Variants in FSCN1 observed in about 807,000 individuals in gnomAD.
FSCN1 encodes the protein fascin.
Under a neutral mutation model 39.7 loss-of-function variants are expected in FSCN1, and 10 were observed. That is an observed-to-expected ratio of 0.25 (90% CI 0.16 to 0.43). FSCN1 has a LOEUF of 0.43. FSCN1 is among the 20% of genes least tolerant of loss of function. FSCN1 has a pLI of 1.00. For missense variants in FSCN1, 525 were observed against 723.8 expected, an observed-to-expected ratio of 0.73 and a Z score of 3.15; for synonymous variants, 322 against 320.0, an observed-to-expected ratio of 1.01 and a Z score of -0.07.
At chr7:5,602,910 A>G (rs1357650384) in intron 1 of FSCN1, 5 of 279,356 alleles carry the variant, frequency 1.8e-5, no homozygotes, top group East Asian at 1.7e-4. Flanking sequence ...GGGTCTTGCT[A>G]TGTTGCCCAG....
In FSCN1 at chr7:5,603,802, A is replaced by C. The variant is rs1584304462; in HGVS notation, c.1112-61A>C. 6 of 1,554,842 alleles carry C rather than the reference A, an allele frequency of 3.9e-6. No individual in the cohort carries two copies. In the South Asian group the frequency reaches 6.9e-5, roughly 18 times the overall value. ...AGCTCCTGGCCCTCCCTCTCTGGTCACCCCAGCCTCCACCCCACTCCCTGC... is the reference window on the plus strand; with the variant it reads ...AGCTCCTGGCCCTCCCTCTCTGGTCCCCCCAGCCTCCACCCCACTCCCTGC... On this transcript the variant is annotated intron_variant, in intron 3 of 4. Transcript: ENST00000382361. This position sits in a 1 kb window ranked among gnomAD's most constrained non-coding sequence, Gnocchi z 8.5.
At chr7:5,594,799 C>T (rs897457737) in intron 1 of FSCN1, 16 of 152,338 alleles carry the variant, frequency 1.1e-4, no homozygotes, top group Admixed American at 1.0e-3. Context: ...GGCCAGCTCC[C>T]TCGGGAAGCC....
chr7:5,597,856 C>G (rs556902062), intron 1 of FSCN1, among the ~76,000 whole-genome samples: 1 of 152,054 alleles, frequency 6.6e-6, no homozygotes, highest in Non-Finnish European at 1.5e-5. Flanking sequence ...GAGAGGTACC[C>G]GTGGGCCCGG....
intron 1 of FSCN1, among the ~76,000 whole-genome samples, chr7:5,595,802 G>A (rs1785719754): frequency 6.6e-6 from 1 of 152,212 alleles, no homozygotes; most frequent in Non-Finnish European, 1.5e-5. Flanking sequence ...GCCTCCCGTG[G>A]GGAAGAAGTC....
chr7:5,598,114 A>C (rs539038635), intron 1 of FSCN1, among the ~76,000 whole-genome samples: 6 of 152,148 alleles, frequency 3.9e-5, no homozygotes, highest in African/African-American at 1.4e-4. Context: ...TCTACGTGGC[A>C]CCAGGCCCCT....
Position 5,603,987 on chromosome 7 carries a change from C to T in FSCN1, c.1236C>T (p.Asp412=), listed in dbSNP as rs144028572. 6.5e-5 allele frequency: 105 copies of T among 1,613,792 alleles called. No individual in the cohort carries two copies. The highest frequency in any genetic ancestry group is 4.1e-4 in the African/African-American group (31 of 74,926). The change falls in exon 4 of 5, where the codon GAC becomes GAT. Residue 412 remains aspartate, a synonymous_variant. Coordinates refer to ENST00000382361, the MANE Select transcript of FSCN1 (RefSeq NM_003088.4). The surrounding 1 kb of genome is among the most constrained non-coding windows in gnomAD (Gnocchi z 8.5). ...GTLDANRSSY[D]VFQLEFNDGA... is the part of the protein sequence containing the mutation. ...TGGACGCCAACCGCTCCAGCTATGA[C>T]GTCTTCCAGCTGGAGTTCAACGATG...
In FSCN1 at chr7:5,605,206, T is replaced by G; in HGVS notation, c.1280-66T>G. On this transcript the variant is annotated intron_variant, in intron 4 of 4. Coordinates refer to ENST00000382361, the MANE Select transcript of FSCN1 (RefSeq NM_003088.4). This position sits in a 1 kb window ranked among gnomAD's most constrained non-coding sequence, Gnocchi z 6.9. ...CCCTTGGGAACACCCGTGCCCACCC[T>G]CCGCTGCCCAGGGTAGGGGTGGGGA... 7.9e-7 allele frequency: 1 copy of G among 1,264,538 alleles called. No individual in the cohort carries two copies. Among genetic ancestry groups the G allele is most frequent in the Non-Finnish European group, 1.1e-6 (1 of 873,796 alleles). The allele number at this position is 1,264,538 out of a possible 1,614,324, so 78.3% of individuals were successfully genotyped here.
rs567581324 is a variant in FSCN1 at position 5,593,336 on chromosome 7, G to C, written c.400G>C (p.Val134Leu). 6.2e-7 allele frequency: 1 copy of C among 1,612,072 alleles called. No individual in the cohort carries two copies. Among genetic ancestry groups the C allele is most frequent in the African/African-American group, 1.3e-5 (1 of 75,034 alleles). Reference sequence around the variant, plus strand: ...GGTGTCCCCCGCCGAGAAGTGGAGCGTGCACATCGCCATGCACCCTCAGGT... The same window carrying C: ...GGTGTCCCCCGCCGAGAAGTGGAGCCTGCACATCGCCATGCACCCTCAGGT... Reference protein sequence around the residue: ...QTVSPAEKWSVHIAMHPQVNI... With the variant: ...QTVSPAEKWSLHIAMHPQVNI... Residue 134 changes from valine to leucine, a missense_variant, in exon 1 of 5, where the codon GTG becomes CTG. Transcript: ENST00000382361.
chr7:5,605,782 C>T lies in FSCN1; in HGVS notation c.*308C>T, dbSNP rs1197778737. 4.1e-5 allele frequency: 13 copies of T among 316,540 alleles called. No homozygotes were observed. Among genetic ancestry groups the T allele is most frequent in the Non-Finnish European group, 5.9e-5 (10 of 170,472 alleles). 19.6% of individuals were successfully genotyped at this position (316,540 alleles called of 1,614,324 possible). On this transcript the variant is annotated 3_prime_UTR_variant, in exon 5 of 5. Transcript: ENST00000382361. This position sits in a 1 kb window ranked among gnomAD's most constrained non-coding sequence, Gnocchi z 6.9. Reference sequence around the variant, plus strand: ...ACCTCTTTCTTCTGACCTCAGACGGCTCTGAGCCTTATTTCTCTGGAAGCG... The same window carrying T: ...ACCTCTTTCTTCTGACCTCAGACGGTTCTGAGCCTTATTTCTCTGGAAGCG...
chr7:5,605,500 GC>G lies in FSCN1; in HGVS notation c.*29del. On this transcript the variant is annotated 3_prime_UTR_variant, in exon 5 of 5. Transcript: ENST00000382361. This position sits in a 1 kb window ranked among gnomAD's most constrained non-coding sequence, Gnocchi z 6.9. ...GGCCGGCCCGTCCTTCCCCGCCCCTGCCCACATGGCGGCTCCTGCCAACCCT... is the reference window on the plus strand; with the variant it reads ...GGCCGGCCCGTCCTTCCCCGCCCCTGCCACATGGCGGCTCCTGCCAACCCT... 1.3e-6 allele frequency: 2 copies of G among 1,488,612 alleles called. No homozygotes were observed. Among genetic ancestry groups the G allele is most frequent in the Non-Finnish European group, 1.8e-6 (2 of 1,100,892 alleles). The allele number at this position is 1,488,612 out of a possible 1,614,324, so 92.2% of individuals were successfully genotyped here.
At chr7:5,600,860 G>A (rs917047564) in intron 1 of FSCN1, among the ~76,000 whole-genome samples, 6 of 151,212 alleles carry the variant, frequency 4.0e-5, no homozygotes, top group African/African-American at 9.7e-5. Flanking sequence ...GGGTTTCACC[G>A]TGTTAGGATG....
In FSCN1 at chr7:5,603,061, C is replaced by T. The variant is rs1271327194; in HGVS notation, c.833-196C>T. ...TCATGTGGGAACAGATGTAGCTTGC[C>T]TTGGCCTCTGACCGGCCCTGCCTGC... On this transcript the variant is annotated intron_variant, in intron 1 of 4. Coordinates refer to ENST00000382361, the MANE Select transcript of FSCN1 (RefSeq NM_003088.4). This position sits in a 1 kb window ranked among gnomAD's most constrained non-coding sequence, Gnocchi z 8.5. The T allele has an allele frequency of 4.9e-6, 3 of 615,330 alleles. No homozygotes were observed. The highest frequency in any genetic ancestry group is 2.9e-5 in the Admixed American group (1 of 34,492). 38.1% of individuals were successfully genotyped at this position (615,330 alleles called of 1,614,324 possible).
intron 1 of FSCN1, among the ~76,000 whole-genome samples, chr7:5,602,221 T>TTTTAAG (rs554819239): frequency 6.8e-6 from 1 of 148,002 alleles, no homozygotes. Flanking sequence ...TTTTTTTTTT[T>TTTTAAG]AAGTAGGGTC....
At chr7:5,596,749 G>T (rs867504584) in intron 1 of FSCN1, among the ~76,000 whole-genome samples, 4 of 152,348 alleles carry the variant, frequency 2.6e-5, no homozygotes, top group Admixed American at 1.3e-4. Flanking sequence ...TCGTCAAGCT[G>T]GGCTTTGCAG....
intron 1 of FSCN1, among the ~76,000 whole-genome samples, chr7:5,600,509 C>T (rs1349486566): frequency 2.0e-5 from 3 of 152,084 alleles, no homozygotes; most frequent in Admixed American, 1.3e-4. Context: ...GGGTCCTATT[C>T]TGAGACAGAG....
intron 1 of FSCN1, among the ~76,000 whole-genome samples, chr7:5,598,464 C>T (rs1239994663): frequency 6.6e-6 from 1 of 152,230 alleles, no homozygotes; most frequent in African/African-American, 2.4e-5. Context: ...CACGTGGCCC[C>T]GTGGCTGCCG....
In FSCN1 at chr7:5,601,592, CT is replaced by C. The variant is rs370451018; in HGVS notation, c.833-1662del. Among the ~76,000 whole-genome samples, 84 of 152,240 alleles carry C rather than the reference CT, an allele frequency of 5.5e-4. 1 individual carries two copies. The highest frequency in any genetic ancestry group is 2.0e-3 in the African/African-American group (83 of 41,540). On this transcript the variant is annotated intron_variant, in intron 1 of 4. Transcript: ENST00000382361. ...GTGGCTTGTGTCTGTAACCTCAGCA[CT>C]TTGGGAGGCTGAGTTAGGAGGATCA...
At chr7:5,602,252 G>T (rs1785846264) in intron 1 of FSCN1, among the ~76,000 whole-genome samples, 1 of 150,814 alleles carries the variant, frequency 6.6e-6, no homozygotes, top group Non-Finnish European at 1.5e-5. Flanking sequence ...GTCCAGGCTG[G>T]TCTTGAACTC....
Position 5,605,554 on chromosome 7 carries a change from G to T in FSCN1, c.*80G>T. The T allele has an allele frequency of 9.1e-7, 1 of 1,104,132 alleles. No individual in the cohort carries two copies. Among genetic ancestry groups the T allele is most frequent in the Non-Finnish European group, 1.3e-6 (1 of 783,286 alleles). The allele number at this position is 1,104,132 out of a possible 1,614,324, so 68.4% of individuals were successfully genotyped here. ...CTGCTAACCCCTTCTCCGCCAGGTGGGCTCCAGGGCGGGAGGCAAGCCCCC... is the reference window on the plus strand; with the variant it reads ...CTGCTAACCCCTTCTCCGCCAGGTGTGCTCCAGGGCGGGAGGCAAGCCCCC... On this transcript the variant is annotated 3_prime_UTR_variant, in exon 5 of 5. Coordinates refer to ENST00000382361, the MANE Select transcript of FSCN1 (RefSeq NM_003088.4). This position sits in a 1 kb window ranked among gnomAD's most constrained non-coding sequence, Gnocchi z 6.9.
Sources: gnomAD v4.1 joint callset for allele counts (sites outside exome capture counted in the v4.1 genomes callset) on GRCh38, gnomAD v4.1.1 for gene constraint, Gnocchi (gnomAD v3.1) non-coding constraint, MANE v1.5 for transcripts, NCBI Gene and HGNC (gene_info 2026-07-23, HGNC 2026-07-21) for gene names.